Variants in CARMIL3 observed in about 807,000 individuals in gnomAD.
CARMIL3 encodes the protein capping protein regulator and myosin 1 linker 3, also known as capping protein, Arp2/3 and myosin-I linker protein 3.
CARMIL3 carries 88 observed loss-of-function variants against 180.8 expected under a neutral mutation model. The observed-to-expected ratio is 0.49, with a 90% CI of 0.41 to 0.58. CARMIL3 has a LOEUF of 0.58. Among genes scored for constraint, CARMIL3 ranks in the 20% least tolerant of loss-of-function variants. The probability of loss-of-function intolerance (pLI) is 0.00; values close to 1 mark genes in which losing one functional copy is unlikely to be tolerated. For synonymous variants in CARMIL3, 696 were observed against 714.5 expected, an observed-to-expected ratio of 0.97 and a Z score of 0.41; for missense variants, 1,548 against 1,787.0, an observed-to-expected ratio of 0.87 and a Z score of 2.41.
In CARMIL3 at chr14:24,062,200, C is replaced by A. The variant is rs147025800; in HGVS notation, c.2481-280C>A. On this transcript the variant is annotated intron_variant, in intron 27 of 39. Coordinates refer to ENST00000342740, the MANE Select transcript of CARMIL3 (RefSeq NM_138360.4). ...ATTACCTAGCTCTGTTCCACTGGGG[C>A]TCCAGGGGCCTGACCTAGGGCCCCC... The A allele has an allele frequency of 5.0e-4, 271 of 539,750 alleles. 2 individuals carry two copies. Among genetic ancestry groups the A allele is most frequent in the African/African-American group, 4.7e-3 (246 of 52,828 alleles). 33.4% of individuals were successfully genotyped at this position (539,750 alleles called of 1,614,324 possible). A position where few individuals can be genotyped will look rare whatever the true frequency, so the allele number is the denominator to read the frequency against.
Position 24,058,121 on chromosome 14 carries a change from G to A in CARMIL3, c.1323-34G>A, listed in dbSNP as rs1436636261. 1 of 1,613,802 alleles carries A rather than the reference G, an allele frequency of 6.2e-7. No individual in the cohort carries two copies. The highest frequency in any genetic ancestry group is 8.5e-7 in the Non-Finnish European group (1 of 1,179,988). On this transcript the variant is annotated intron_variant, in intron 16 of 39. Transcript: ENST00000342740. This position sits in a 1 kb window ranked among gnomAD's most constrained non-coding sequence, Gnocchi z 6.4. Reference sequence around the variant, plus strand: ...AAGGGAACCACGGGGAGCGGGAAGAGGTAAAGGAGGGCCTGCTGACCTCCC... The same window carrying A: ...AAGGGAACCACGGGGAGCGGGAAGAAGTAAAGGAGGGCCTGCTGACCTCCC...
Position 24,064,278 on chromosome 14 carries a change from G to T in CARMIL3, c.3012G>T (p.Gly1004=). The T allele has an allele frequency of 1.2e-6, 2 of 1,613,018 alleles. No individual in the cohort carries two copies. The highest frequency in any genetic ancestry group is 1.7e-6 in the Non-Finnish European group (2 of 1,179,576). The change falls in exon 32 of 40, where the codon GGG becomes GGT. Residue 1004 remains glycine, a synonymous_variant. Transcript: ENST00000342740. ...MPAPGTRQEN[G]MATRLDEGLE... Reference sequence around the variant, plus strand: ...CACCTGGGACTCGTCAGGAGAATGGGATGGCCACCCGCCTGGATGAAGGGC... The same window carrying T: ...CACCTGGGACTCGTCAGGAGAATGGTATGGCCACCCGCCTGGATGAAGGGC...
intron 27 of CARMIL3, 67 bp from the exon 28 acceptor site, chr14:24,062,413 A>C: frequency 7.3e-7 from 1 of 1,374,302 alleles, no homozygotes; most frequent in Non-Finnish European, 1.0e-6. Context: ...TGGGAGAGGG[A>C]GTGCCTCAGG....
chr14:24,057,217 G>T lies in CARMIL3; in HGVS notation c.1113G>T (p.Leu371=). ...CCAACGCCCTGGTGCACCTGGACCT[G>T]TCAGGAACTGACTGCGTCATCGACT... ...AQPNALVHLD[L]SGTDCVIDLL... The change falls in exon 14 of 40, where the codon CTG becomes CTT. Residue 371 remains leucine (L), a synonymous_variant. Transcript: ENST00000342740. The T allele has an allele frequency of 6.2e-7, 1 of 1,614,062 alleles. No individual in the cohort carries two copies. Among genetic ancestry groups the T allele is most frequent in the Non-Finnish European group, 8.5e-7 (1 of 1,179,966 alleles).
intron 8 of CARMIL3, 112 bp from the exon 9 acceptor site, chr14:24,055,430 TC>T: frequency 6.8e-7 from 1 of 1,480,720 alleles, no homozygotes; most frequent in Non-Finnish European, 9.4e-7. Flanking sequence ...CTCCATCCCA[TC>T]CCCATCTACC....
chr14:24,058,601 G>T lies in CARMIL3; in HGVS notation c.1393-79G>T. 1.8e-6 allele frequency: 2 copies of T among 1,131,282 alleles called. No individual in the cohort carries two copies. Among genetic ancestry groups the T allele is most frequent in the South Asian group, 1.4e-5 (1 of 73,970 alleles). 70.1% of individuals were successfully genotyped at this position (1,131,282 alleles called of 1,614,324 possible). A position where few individuals can be genotyped will look rare whatever the true frequency, so the allele number is the denominator to read the frequency against. ...CTGGCATGACTTTGAGTTCTGGTGT[G>T]ACTACTATATCCTAAGCATTAAAGG... On this transcript the variant is annotated intron_variant, in intron 17 of 39. Transcript: ENST00000342740. The surrounding 1 kb of genome is among the most constrained non-coding windows in gnomAD (Gnocchi z 6.4).
At position 24,058,329 on chromosome 14, in the gene CARMIL3, G is replaced by A. The variant is rs7146262; in HGVS notation, c.1392+105G>A. ...TCTAGCCTCTGTGCTGACCCTCTGC[G>A]ACCCCCTGACCTGGCCACACCACCA... On this transcript the variant is annotated intron_variant, in intron 17 of 39. Coordinates refer to ENST00000342740, the MANE Select transcript of CARMIL3 (RefSeq NM_138360.4). The surrounding 1 kb of genome is among the most constrained non-coding windows in gnomAD (Gnocchi z 6.4). The A allele has an allele frequency of 0.015, 18,012 of 1,241,520 alleles. 1,886 individuals carry two copies. The African/African-American group carries it at 0.24, about 16-fold the overall frequency. The allele number at this position is 1,241,520 out of a possible 1,614,324, so 76.9% of individuals were successfully genotyped here. A position where few individuals can be genotyped will look rare whatever the true frequency, so the allele number is the denominator to read the frequency against.
intron 38 of CARMIL3, 60 bp downstream of exon 38, chr14:24,069,026 C>T: frequency 6.4e-7 from 1 of 1,564,642 alleles, no homozygotes; most frequent in Non-Finnish European, 8.7e-7. Flanking sequence ...CTGTCCACAT[C>T]AGGTCCTCTT....
Position 24,059,607 on chromosome 14 carries a change from G to C in CARMIL3, c.1800-57G>C. ...TTGCCCCAAGAGGTTTGTGTCCCTG[G>C]CCCCTAGTAGGGACCCAGGAGGAGA... On this transcript the variant is annotated intron_variant, in intron 21 of 39. Coordinates refer to ENST00000342740, the MANE Select transcript of CARMIL3 (RefSeq NM_138360.4). This position sits in a 1 kb window ranked among gnomAD's most constrained non-coding sequence, Gnocchi z 6.3. 6.3e-7 allele frequency: 1 copy of C among 1,596,032 alleles called. No individual in the cohort carries two copies. Among genetic ancestry groups the C allele is most frequent in the Non-Finnish European group, 8.6e-7 (1 of 1,166,560 alleles).
chr14:24,059,724 C>G lies in CARMIL3; in HGVS notation c.1860C>G (p.Ala620=), dbSNP rs762363487. ...SALGFLDIAR[A]LESNHTLRFM... is the part of the protein sequence containing the mutation. ...TGGGCTTCCTGGACATCGCAAGGGC[C>G]CTGGAGAGGTGAGTAGACCATGGTC... The change falls in exon 22 of 40, where the codon GCC becomes GCG. Residue 620 remains alanine (A), a synonymous_variant. Coordinates refer to ENST00000342740, the MANE Select transcript of CARMIL3 (RefSeq NM_138360.4). This position sits in a 1 kb window ranked among gnomAD's most constrained non-coding sequence, Gnocchi z 6.3. 6.2e-7 allele frequency: 1 copy of G among 1,614,074 alleles called. No homozygotes were observed. The highest frequency in any genetic ancestry group is 1.1e-5 in the South Asian group (1 of 91,064).
chr14:24,069,622 A>G lies in CARMIL3; in HGVS notation c.*218A>G, dbSNP rs2035843898. 3.3e-6 allele frequency: 2 copies of G among 600,620 alleles called. No individual in the cohort carries two copies. The highest frequency in any genetic ancestry group is 1.9e-5 in the African/African-American group (1 of 53,762). 37.2% of individuals were successfully genotyped at this position (600,620 alleles called of 1,614,324 possible). ...CCTGCCTCGATACCTCTCTCTGCAGAGAGCTTCTGGGTGGGGGCTTATCTC... is the reference window on the plus strand; with the variant it reads ...CCTGCCTCGATACCTCTCTCTGCAGGGAGCTTCTGGGTGGGGGCTTATCTC... On this transcript the variant is annotated 3_prime_UTR_variant, in exon 40 of 40. Transcript: ENST00000342740.
At position 24,056,716 on chromosome 14, in the gene CARMIL3, C is replaced by T. The variant is rs767670969; in HGVS notation, c.952+8C>T. ...CTGCCATTTCCCCTCGAGGTACTCG[C>T]ACCAAGGACCCCTGACCTCTGACCC... On this transcript the variant is annotated splice_region_variant and intron_variant, in intron 12 of 39. Coordinates refer to ENST00000342740, the MANE Select transcript of CARMIL3 (RefSeq NM_138360.4). 49 of 1,611,844 alleles carry T rather than the reference C, an allele frequency of 3.0e-5. No homozygotes were observed. Among genetic ancestry groups the T allele is most frequent in the Non-Finnish European group, 3.6e-5 (43 of 1,179,744 alleles).
intron 36 of CARMIL3, 125 bp downstream of exon 36, chr14:24,066,781 T>C (rs2035791726): frequency 1.1e-6 from 1 of 948,458 alleles, no homozygotes; most frequent in Non-Finnish European, 1.6e-6. Flanking sequence ...GTCAACACAG[T>C]GAAAATGTTT....
At chr14:24,063,300 C>T (rs1282735160) in intron 30 of CARMIL3, 25 bp from the exon 31 acceptor site, 2 of 1,588,566 alleles carry the variant, frequency 1.3e-6, no homozygotes, top group Admixed American at 3.4e-5. Flanking sequence ...CTCTGCTAGT[C>T]CCTCTAATGC....
chr14:24,057,036 G>A lies in CARMIL3; in HGVS notation c.1062+12G>A. On this transcript the variant is annotated intron_variant, in intron 13 of 39. Coordinates refer to ENST00000342740, the MANE Select transcript of CARMIL3 (RefSeq NM_138360.4). ...CGGATGAGGCCAATGTGAGTCCTCA[G>A]AACAGCCTCAGCCCCCTGCAGAAAG... 2.5e-6 allele frequency: 4 copies of A among 1,611,024 alleles called. No homozygotes were observed. Among genetic ancestry groups the A allele is most frequent in the Non-Finnish European group, 3.4e-6 (4 of 1,178,248 alleles).
Position 24,061,480 on chromosome 14 carries a change from C to G in CARMIL3, c.2305-17C>G. The G allele has an allele frequency of 6.2e-7, 1 of 1,606,866 alleles. No individual in the cohort carries two copies. Among genetic ancestry groups the G allele is most frequent in the Non-Finnish European group, 8.5e-7 (1 of 1,176,004 alleles). On this transcript the variant is annotated splice_polypyrimidine_tract_variant and intron_variant, in intron 26 of 39. Coordinates refer to ENST00000342740, the MANE Select transcript of CARMIL3 (RefSeq NM_138360.4). This position sits in a 1 kb window ranked among gnomAD's most constrained non-coding sequence, Gnocchi z 4.1. ...CTGTCCCCCTTGGGCCTCTGGCCTCCCTTTCCCCCATACTAGGTGATCCTG... is the reference window on the plus strand; with the variant it reads ...CTGTCCCCCTTGGGCCTCTGGCCTCGCTTTCCCCCATACTAGGTGATCCTG...
At chr14:24,063,271 T>C in intron 30 of CARMIL3, 54 bp from the exon 31 acceptor site, 1 of 1,590,848 alleles carries the variant, frequency 6.3e-7, no homozygotes, top group Non-Finnish European at 8.6e-7. Flanking sequence ...TGTCTCCCCA[T>C]CCTGCTTTCT....
chr14:24,056,242 C>G, intron 10 of CARMIL3, 57 bp from the exon 11 acceptor site: 1 of 1,456,360 alleles, frequency 6.9e-7, no homozygotes, highest in South Asian at 1.2e-5. Context: ...AGGGGAAGCC[C>G]AGAGGCTGGG....
chr14:24,065,092 C>G lies in CARMIL3; in HGVS notation c.3215C>G (p.Ser1072Cys), dbSNP rs1029444094. The G allele has an allele frequency of 3.2e-6, 5 of 1,578,232 alleles. No individual in the cohort carries two copies. Among genetic ancestry groups the G allele is most frequent in the Non-Finnish European group, 4.3e-6 (5 of 1,165,098 alleles). Residue 1072 changes from serine to cysteine, a missense_variant, in exon 33 of 40, where the codon TCC becomes TGC. Physicochemically the swap from Ser to Cys is moderately radical, Grantham distance 112. Around this residue, in one of 4 missense-constraint regions of CARMIL3, gnomAD observed 668 missense variants for 687.8 expected, o/e 0.97. Transcript: ENST00000342740. ...TTCAAGGGGGACAGGGGGCCGGGGT[C>G]CCCTACCACTGGACTCCTCCTCCCT... The part of the protein sequence containing the change: ...RSFKGDRGPG[S>C]PTTGLLLPPP...
Sources: gnomAD v4.1 joint callset for allele counts on GRCh38, gnomAD v4.1.1 for gene constraint, gnomAD v4.1.1 regional missense constraint, Gnocchi (gnomAD v3.1) non-coding constraint, MANE v1.5 for transcripts, NCBI Gene and HGNC (gene_info 2026-07-23, HGNC 2026-07-21) for gene names.